RAB27A: variants seen among roughly 807,000 people sequenced by gnomAD.
RAB27A encodes the protein ras-related protein Rab-27A.
In RAB27A, 17 loss-of-function variants were observed where a neutral mutation model predicts 20.8. That is an observed-to-expected ratio of 0.82 (90% CI 0.56 to 1.23). The LOEUF (loss-of-function observed/expected upper bound fraction) is 1.23. Ranked by LOEUF, RAB27A falls within the 50% of genes most tolerant of loss-of-function variation. RAB27A has a pLI of 0.00. For synonymous variants in RAB27A, 85 were observed against 92.8 expected (o/e 0.92, Z 0.48); for missense variants, 277 against 266.7 (o/e 1.04, Z -0.27).
At chr15:55,250,275 T>C (rs1262980875) in intron 2 of RAB27A, among the ~76,000 whole-genome samples, 1 of 152,178 alleles carries the variant, frequency 6.6e-6, no homozygotes, top group African/African-American at 2.4e-5. Flanking sequence ...CCTTCTATTA[T>C]GTTTTTTAAA....
chr15:55,298,517 G>A (rs2054959061), intron 2 of RAB27A, among the ~76,000 whole-genome samples: 2 of 152,154 alleles, frequency 1.3e-5, no homozygotes. Flanking sequence ...CAAGGCAAGT[G>A]GAGGCAGGGC....
intron 1 of RAB27A, among the ~76,000 whole-genome samples, chr15:55,315,879 T>C (rs539292475): frequency 6.6e-6 from 1 of 152,300 alleles, no homozygotes; most frequent in South Asian, 2.1e-4. Flanking sequence ...GAAATGCCAT[T>C]TGACCCAGCA....
At position 55,234,875 on chromosome 15, in the gene RAB27A, T is replaced by C; in HGVS notation, c.60A>G (p.Val20=). 6.2e-7 allele frequency: 1 copy of C among 1,611,828 alleles called. No homozygotes were observed. The highest frequency in any genetic ancestry group is 8.5e-7 in the Non-Finnish European group (1 of 1,178,266). Residue 20 remains valine, a synonymous_variant, in exon 3 of 7, where the codon GTA becomes GTG. Transcript: ENST00000336787. The stretch of plus-strand genomic sequence containing the variant: ...ATTGGTAAAGTACACTGGTCTTCCC[T>C]ACACCAGAGTCTCCCAAAGCTAAAA... ...IKFLALGDSG[V]GKTSVLYQYT...
chr15:55,248,057 C>A (rs1267623539), intron 2 of RAB27A, among the ~76,000 whole-genome samples: 3 of 151,924 alleles, frequency 2.0e-5, no homozygotes, highest in Admixed American at 6.6e-5. Context: ...CCTCAGCCTC[C>A]CAAGCAGCTG....
chr15:55,308,967 G>A (rs975776360), intron 2 of RAB27A, among the ~76,000 whole-genome samples: 7 of 152,066 alleles, frequency 4.6e-5, no homozygotes, highest in Admixed American at 2.0e-4. Context: ...CTCGTCCCTC[G>A]GACCTGTGTA....
chr15:55,230,725 T>G (rs1312303109), intron 3 of RAB27A, among the ~76,000 whole-genome samples: 1 of 152,110 alleles, frequency 6.6e-6, no homozygotes, highest in Non-Finnish European at 1.5e-5. Context: ...ACAAAACAAC[T>G]TGTATAAAAT....
chr15:55,271,778 GA>G (rs1897715249), intron 1 of RAB27A, among the ~76,000 whole-genome samples: 2 of 151,988 alleles, frequency 1.3e-5, no homozygotes, highest in Admixed American at 1.3e-4. Flanking sequence ...TTGCCTCTAG[GA>G]GAAGCTACGC....
intron 5 of RAB27A, among the ~76,000 whole-genome samples, chr15:55,225,708 T>C (rs1180264036): frequency 6.6e-6 from 1 of 152,242 alleles, no homozygotes; most frequent in Middle Eastern, 3.2e-3. Flanking sequence ...TGGTGATTTC[T>C]TCTTTTTGTC....
chr15:55,251,900 T>A (rs1896902713), intron 2 of RAB27A, among the ~76,000 whole-genome samples: 1 of 152,088 alleles, frequency 6.6e-6, no homozygotes, highest in African/African-American at 2.4e-5. Context: ...CATTACAAAG[T>A]TCCAGGGAAG....
chr15:55,222,846 C>G (rs1424784221), intron 6 of RAB27A, among the ~76,000 whole-genome samples: 1 of 152,122 alleles, frequency 6.6e-6, no homozygotes, highest in Non-Finnish European at 1.5e-5. Context: ...TCTTTTAATG[C>G]TATTAAGGGT....
At chr15:55,315,952 G>A (rs919862221) in intron 1 of RAB27A, among the ~76,000 whole-genome samples, 3 of 152,024 alleles carry the variant, frequency 2.0e-5, no homozygotes, top group African/African-American at 4.8e-5. Context: ...ACACATGCAC[G>A]GCCAGGCGCG....
chr15:55,256,536 C>A (rs1454580135), intron 2 of RAB27A, among the ~76,000 whole-genome samples: 1 of 152,238 alleles, frequency 6.6e-6, no homozygotes, highest in Non-Finnish European at 1.5e-5. Flanking sequence ...GGATACACAG[C>A]ATGTTTCATG....
At position 55,243,638 on chromosome 15, in the gene RAB27A, A is replaced by C. The variant is rs558435842; in HGVS notation, c.-22-8682T>G. ...CGAGACTCTATCTCAAAAAAAAAAA[A>C]ACATTATTTTCTCTGACATCATGTC... On this transcript the variant is annotated intron_variant, in intron 2 of 6. Coordinates refer to ENST00000336787, the MANE Select transcript of RAB27A (RefSeq NM_183235.3). Among the ~76,000 whole-genome samples the C allele has an allele frequency of 9.2e-5, 14 of 152,118 alleles. No individual in the cohort carries two copies. In the East Asian group the frequency reaches 2.5e-3, roughly 27 times the overall value.
intron 6 of RAB27A, among the ~76,000 whole-genome samples, chr15:55,209,076 T>G (rs1283534002): frequency 1.3e-5 from 2 of 152,242 alleles, no homozygotes; most frequent in Admixed American, 1.3e-4. Context: ...ACTGATATAA[T>G]GTGTAAAGAT....
At position 55,281,773 on chromosome 15, in the gene RAB27A, G is replaced by A. The variant is rs543087371; in HGVS notation, c.-143+7943C>T. Among the ~76,000 whole-genome samples, 8 of 150,628 alleles carry A rather than the reference G, an allele frequency of 5.3e-5. No individual in the cohort carries two copies. In the South Asian group the frequency reaches 1.7e-3, roughly 32 times the overall value. ...GGAAGGAAGGTAGGAAAGGAAAAGA[G>A]AAGGAAAAAAAAAGAAACCAGAGGC... On this transcript the variant is annotated intron_variant, in intron 1 of 6. Coordinates refer to ENST00000336787, the MANE Select transcript of RAB27A (RefSeq NM_183235.3).
At chr15:55,276,396 T>C (rs1179129607) in intron 1 of RAB27A, among the ~76,000 whole-genome samples, 1 of 152,092 alleles carries the variant, frequency 6.6e-6, no homozygotes, top group Non-Finnish European at 1.5e-5. Flanking sequence ...CCCATATATT[T>C]AATATATAGA....
intron 6 of RAB27A, among the ~76,000 whole-genome samples, chr15:55,214,316 G>A (rs559173514): frequency 8.5e-5 from 13 of 152,136 alleles, no homozygotes; most frequent in Non-Finnish European, 1.9e-4. Flanking sequence ...GACGCCTGTA[G>A]TCCCAGCTAC....
At chr15:55,236,452 A>G (rs1458074800) in intron 2 of RAB27A, among the ~76,000 whole-genome samples, 1 of 152,132 alleles carries the variant, frequency 6.6e-6, no homozygotes, top group Non-Finnish European at 1.5e-5. Flanking sequence ...GCCACAACCA[A>G]GGGCTCGCTT....
At chr15:55,308,096 C>T (rs1172813782) in intron 2 of RAB27A, among the ~76,000 whole-genome samples, 1 of 152,194 alleles carries the variant, frequency 6.6e-6, no homozygotes, top group Non-Finnish European at 1.5e-5. Flanking sequence ...TTACCCCATA[C>T]TACGGGTCCT....
Sources: allele counts gnomAD v4.1 joint callset (sites outside exome capture counted in the v4.1 genomes callset), GRCh38; gene constraint gnomAD v4.1.1; transcripts MANE v1.5; gene names NCBI Gene and HGNC (gene_info 2026-07-23, HGNC 2026-07-21).